DMXL2: variants seen among roughly 807,000 people sequenced by gnomAD.
DMXL2 encodes dmX-like protein 2.
Under a neutral mutation model 331.1 loss-of-function variants are expected in DMXL2, and 103 were observed. The observed-to-expected ratio is 0.31, with a 90% CI of 0.27 to 0.37. DMXL2 has a LOEUF of 0.37. DMXL2 is among the 10% of genes least tolerant of loss of function. DMXL2 has a pLI of 1.00. For missense variants in DMXL2, 3,171 were observed against 3,642.9 expected (o/e 0.87, Z 3.33); for synonymous variants, 1,281 against 1,252.1 (o/e 1.02, Z -0.49).
At position 51,459,448 on chromosome 15, in the gene DMXL2, C is replaced by T; in HGVS notation, c.7989+150G>A. 4.2e-6 allele frequency: 2 copies of T among 476,950 alleles called. 1 individual carries two copies. Among genetic ancestry groups the T allele is most frequent in the South Asian group, 4.0e-5 (2 of 50,616 alleles). The allele number at this position is 476,950 out of a possible 1,614,324, so 29.5% of individuals were successfully genotyped here. ...GAGCAAGCCAGATACAGTGAAGCAT[C>T]TCCTCCCCTGTGCCACTGAAGTGGT... On this transcript the variant is annotated intron_variant, in intron 34 of 43. Coordinates refer to ENST00000560891, the MANE Select transcript of DMXL2 (RefSeq NM_001378457.1).
rs773023236 is a variant in DMXL2, at chr15:51,498,905, T to C, written c.4319A>G (p.Asp1440Gly). The C allele has an allele frequency of 6.2e-6, 10 of 1,614,032 alleles. No homozygotes were observed. The highest frequency in any genetic ancestry group is 2.7e-5 in the African/African-American group (2 of 74,934). The change falls in exon 18 of 44, where the codon GAT becomes GGT. Residue 1440 changes from aspartate to glycine, a missense_variant. Transcript: ENST00000560891. Reference sequence around the variant, plus strand: ...TTCTTCTGAAATTCTGTAGGATGTATCTTGATCTGCAGCAAGTAATGCATA... The same window carrying C: ...TTCTTCTGAAATTCTGTAGGATGTACCTTGATCTGCAGCAAGTAATGCATA... ...PLYALLAADQ[D>G]TSYRISEEST... is the part of the protein sequence containing the mutation.
At chr15:51,558,590 C>T (rs1256347378) in intron 6 of DMXL2, among the ~76,000 whole-genome samples, 1 of 152,146 alleles carries the variant, frequency 6.6e-6, no homozygotes, top group African/African-American at 2.4e-5. Flanking sequence ...TACTACTAAA[C>T]CGCACATGAT....
At position 51,479,997 on chromosome 15, in the gene DMXL2, G is replaced by A; in HGVS notation, c.6707C>T (p.Thr2236Ile). The change falls in exon 25 of 44, where the codon ACT (threonine) becomes ATT (isoleucine). Residue 2236 changes from threonine (T) to isoleucine (I), a missense_variant. Physicochemically the swap from Thr to Ile is moderately conservative, Grantham distance 89. Around this residue, in one of 7 missense-constraint regions of DMXL2, gnomAD observed 197 missense variants for 196.2 expected, o/e 1.00. Transcript: ENST00000560891. Reference sequence around the variant, plus strand: ...AGGTGGTGTTTTCATCTGAACAATAGTATAAAGTATATCATGGATGTGATT... The same window carrying A: ...AGGTGGTGTTTTCATCTGAACAATAATATAAAGTATATCATGGATGTGATT... ...LNNHIHDILY[T>I]IVQMKTPPHP... 6.4e-7 allele frequency: 1 copy of A among 1,572,974 alleles called. No homozygotes were observed. The highest frequency in any genetic ancestry group is 8.7e-7 in the Non-Finnish European group (1 of 1,149,728).
rs890677624 is a variant in DMXL2, at chr15:51,622,610, G to C, written c.-65C>G. On this transcript the variant is annotated 5_prime_UTR_variant, in exon 1 of 44. Transcript: ENST00000560891. Reference sequence around the variant, plus strand: ...ACAAGCTCCGCGCCTGACCCTCCTCGGGCTGCGAGAGCCGTTTCCCTCTGT... The same window carrying C: ...ACAAGCTCCGCGCCTGACCCTCCTCCGGCTGCGAGAGCCGTTTCCCTCTGT... The C allele has an allele frequency of 6.3e-5, 95 of 1,501,702 alleles. No individual in the cohort carries two copies. Among genetic ancestry groups the C allele is most frequent in the Non-Finnish European group, 8.1e-5 (91 of 1,120,156 alleles). The allele number at this position is 1,501,702 out of a possible 1,614,324, so 93.0% of individuals were successfully genotyped here.
At chr15:51,606,229 G>A (rs561372090) in intron 1 of DMXL2, among the ~76,000 whole-genome samples, 15 of 152,266 alleles carry the variant, frequency 9.9e-5, no homozygotes, top group African/African-American at 3.1e-4. Context: ...GATGTGAGAT[G>A]GGAGTTTTGT....
chr15:51,553,107 AC>A (rs1277252801), intron 6 of DMXL2, among the ~76,000 whole-genome samples: 1 of 152,148 alleles, frequency 6.6e-6, no homozygotes, highest in Non-Finnish European at 1.5e-5. Context: ...CAATCACACT[AC>A]TATATCATCC....
chr15:51,595,148 A>G (rs200098917), intron 1 of DMXL2, among the ~76,000 whole-genome samples: 1 of 141,552 alleles, frequency 7.1e-6, no homozygotes, highest in African/African-American at 2.7e-5. Context: ...TTTGCAGATG[A>G]CATGATTGTA....
chr15:51,581,433 G>A (rs2051411643), intron 1 of DMXL2, among the ~76,000 whole-genome samples: 1 of 152,114 alleles, frequency 6.6e-6, no homozygotes, highest in South Asian at 2.1e-4. Flanking sequence ...CAAATTTTGA[G>A]ATCACTGACA....
At chr15:51,560,504 CAAAAAA>C (rs66990182) in intron 6 of DMXL2, among the ~76,000 whole-genome samples, 4 of 41,524 alleles carry the variant, frequency 9.6e-5, no homozygotes, top group South Asian at 1.1e-3. Context: ...TTATTTCTAC[CAAAAAA>C]AAAAAAAAAA....
Position 51,499,376 on chromosome 15 carries a change from G to A in DMXL2, c.3848C>T (p.Thr1283Ile). 1 of 1,613,874 alleles carries A rather than the reference G, an allele frequency of 6.2e-7. No homozygotes were observed. The highest frequency in any genetic ancestry group is 1.1e-5 in the South Asian group (1 of 91,074). Residue 1283 changes from threonine (T) to isoleucine (I), a missense_variant, in exon 18 of 44, where the codon ACT becomes ATT. This residue lies in a region of DMXL2 where 1,674 missense variants were observed against 1,780.2 expected (regional missense o/e 0.94). Transcript: ENST00000560891. ...QWKHAVKFGD[T>I]EADSSNAEEA... ...TTCTGCATTAGAACTATCAGCTTCA[G>A]TGTCTCCAAATTTGACAGCATGCTT...
At chr15:51,602,341 T>C (rs1413090603) in intron 1 of DMXL2, among the ~76,000 whole-genome samples, 1 of 152,024 alleles carries the variant, frequency 6.6e-6, no homozygotes, top group Non-Finnish European at 1.5e-5. Context: ...TTTTTCCCTT[T>C]TCTCTATTTT....
Position 51,463,380 on chromosome 15 carries a change from T to C in DMXL2, c.7925A>G (p.Glu2642Gly). Reference protein sequence around the residue: ...YIFTKKRKQSESIEEHVEQVN... With the variant: ...YIFTKKRKQSGSIEEHVEQVN... The stretch of plus-strand genomic sequence containing the variant: ...TAGAAAATATTTTTCTCAAAATACC[T>C]CACTCTGCTTTCTTTTCTTAGTGAA... Residue 2642 changes from glutamate (E) to glycine (G), a missense_variant and splice_region_variant, in exon 33 of 44, where the codon GAG becomes GGG. Coordinates refer to ENST00000560891, the MANE Select transcript of DMXL2 (RefSeq NM_001378457.1). The C allele has an allele frequency of 6.7e-7, 1 of 1,486,564 alleles. No individual in the cohort carries two copies. Among genetic ancestry groups the C allele is most frequent in the African/African-American group, 1.4e-5 (1 of 71,162 alleles). 92.1% of individuals were successfully genotyped at this position (1,486,564 alleles called of 1,614,324 possible). A position where few individuals can be genotyped will look rare whatever the true frequency, so the allele number is the denominator to read the frequency against.
At chr15:51,470,445 TA>T (rs2040994910) in intron 29 of DMXL2, among the ~76,000 whole-genome samples, 1 of 152,052 alleles carries the variant, frequency 6.6e-6, no homozygotes, top group South Asian at 2.1e-4. Flanking sequence ...AGTCTTTAGA[TA>T]ACAAAACAAA....
intron 13 of DMXL2, among the ~76,000 whole-genome samples, chr15:51,518,897 A>G (rs552739711): frequency 1.3e-5 from 2 of 152,320 alleles, no homozygotes; most frequent in East Asian, 3.9e-4. Context: ...ATAGTGGAAG[A>G]TACTACTGGA....
intron 13 of DMXL2, among the ~76,000 whole-genome samples, chr15:51,519,106 G>A (rs2047197699): frequency 1.3e-5 from 2 of 151,352 alleles, no homozygotes; most frequent in Non-Finnish European, 2.9e-5. Context: ...TACCATTAAT[G>A]TGCATCAAAA....
chr15:51,622,150 C>T (rs2054681554), intron 1 of DMXL2, among the ~76,000 whole-genome samples: 1 of 152,228 alleles, frequency 6.6e-6, no homozygotes, highest in Non-Finnish European at 1.5e-5. Context: ...CCACTTTCCT[C>T]CACCGCAGAC....
At chr15:51,506,641 G>A (rs1160123290) in intron 16 of DMXL2, among the ~76,000 whole-genome samples, 2 of 151,758 alleles carry the variant, frequency 1.3e-5, no homozygotes, top group African/African-American at 2.4e-5. Context: ...TTTTAGTAGA[G>A]ACAGGGTTTC....
At chr15:51,487,866 A>G (rs1056674111) in intron 22 of DMXL2, 88 bp downstream of exon 22, 1 of 1,193,936 alleles carries the variant, frequency 8.4e-7, no homozygotes, top group South Asian at 2.2e-5. Context: ...CCTAACAAAC[A>G]TATGACCAAA....
At chr15:51,561,331 G>C (rs1330465205) in intron 6 of DMXL2, among the ~76,000 whole-genome samples, 1 of 152,218 alleles carries the variant, frequency 6.6e-6, no homozygotes, top group African/African-American at 2.4e-5. Flanking sequence ...GAGTGCAGGA[G>C]AGTAGTCTTC....
Sources: gnomAD v4.1 joint callset for allele counts (sites outside exome capture counted in the v4.1 genomes callset) on GRCh38, gnomAD v4.1.1 for gene constraint, gnomAD v4.1.1 regional missense constraint, MANE v1.5 for transcripts, NCBI Gene and HGNC (gene_info 2026-07-23, HGNC 2026-07-21) for gene names.